The following PLAC1 variants were observed in gnomAD, a reference collection of about 807,000 sequenced individuals.
The protein encoded by PLAC1 is placenta-specific protein 1.
For synonymous variants in PLAC1, 68 were observed against 62.1 expected (o/e 1.09, Z -0.44); for missense variants, 136 against 163.2 (o/e 0.83, Z 0.91).
At chrX:134,681,746 G>GA (rs201321837) in intron 2 of PLAC1, among the ~76,000 whole-genome samples, 66 of 108,468 alleles carry the variant, frequency 6.1e-4, no homozygotes, top group African/African-American at 2.1e-3. Flanking sequence ...AGTAGAAACT[G>GA]AAAAAAAAAT....
At chrX:134,630,304 A>G (rs1438786947) in intron 1 of PLAC1, among the ~76,000 whole-genome samples, 1 of 112,286 alleles carries the variant, frequency 8.9e-6, no homozygotes, top group Non-Finnish European at 1.9e-5. Context: ...ATCAAATACC[A>G]AAGCTTGCAT....
chrX:134,656,494 C>T (rs193163031), intron 1 of PLAC1, among the ~76,000 whole-genome samples: 1 of 112,102 alleles, frequency 8.9e-6, no homozygotes, highest in Non-Finnish European at 1.9e-5. Context: ...CAGCAGCACC[C>T]CCTCTCTGAA....
rs1381496461 is a variant in PLAC1 at position 134,750,812 on chromosome X, A to AAAT, written n.89+13421_89+13422insATT. 5.8e-4 allele frequency among the ~76,000 whole-genome samples: 30 copies of AAAT among 51,977 alleles called. 5 individuals carry two copies. Among genetic ancestry groups the AAAT allele is most frequent in the African/African-American group, 2.7e-3 (21 of 7,648 alleles). The allele number at this position is 51,977 out of a possible 115,157, so 45.1% of individuals were successfully genotyped here. On this transcript the variant is annotated intron_variant and non_coding_transcript_variant, in intron 1 of 2. Transcript: ENST00000466797. ...TCTCTAATAAAAATACAAAAAAAAA[A>AAAT]ATATATATATATATATATATATTTA... is the stretch of plus-strand genomic sequence containing the variant.
chrX:134,681,161 G>A (rs926835879), intron 2 of PLAC1, among the ~76,000 whole-genome samples: 2 of 111,488 alleles, frequency 1.8e-5, no homozygotes, highest in Non-Finnish European at 3.8e-5. Flanking sequence ...GGGCCCCTGG[G>A]AAACTGGAAA....
chrX:134,614,183 A>G (rs1464903517), intron 1 of PLAC1, among the ~76,000 whole-genome samples: 1 of 110,646 alleles, frequency 9.0e-6, no homozygotes, highest in Non-Finnish European at 1.9e-5. Flanking sequence ...GCTGTACCAG[A>G]CCACCCAGTG....
upstream of PLAC1, among the ~76,000 whole-genome samples, chrX:134,662,212 G>A (rs908413280): frequency 4.5e-5 from 5 of 111,657 alleles, no homozygotes; most frequent in Middle Eastern, 4.2e-3. Context: ...CAGCCTGGGT[G>A]ACAGAATGAG....
chrX:134,642,406 C>G (rs1216673101), intron 1 of PLAC1, among the ~76,000 whole-genome samples: 3 of 111,598 alleles, frequency 2.7e-5, no homozygotes, highest in Non-Finnish European at 5.6e-5. Flanking sequence ...ATTTGAACTC[C>G]TATTGGGGAT....
intron 2 of PLAC1, among the ~76,000 whole-genome samples, chrX:134,731,647 C>T (rs1380818906): frequency 9.0e-6 from 1 of 111,543 alleles, no homozygotes; most frequent in Non-Finnish European, 1.9e-5. Flanking sequence ...CACCATCTGA[C>T]TGGAGACTCA....
intron 1 of PLAC1, among the ~76,000 whole-genome samples, chrX:134,618,599 AGAGACG>A (rs1473868087): frequency 1.8e-5 from 2 of 111,246 alleles, no homozygotes; most frequent in Non-Finnish European, 3.8e-5. Context: ...TTATTTTAGT[AGAGACG>A]TGTTTTCGTT....
intron 2 of PLAC1, among the ~76,000 whole-genome samples, chrX:134,572,371 T>C (rs773228923): frequency 3.0e-4 from 34 of 112,122 alleles, no homozygotes; most frequent in African/African-American, 1.1e-3. Context: ...CTAATGATGT[T>C]GAAAGTACAT....
chrX:134,649,264 CAAAAAAAAAA>C lies in PLAC1; in HGVS notation c.-131+9054_-131+9063del, dbSNP rs898452361. Among the ~76,000 whole-genome samples the C allele has an allele frequency of 7.4e-5, 3 of 40,344 alleles. No individual in the cohort carries two copies. In the Admixed American group the frequency reaches 9.4e-4, roughly 13 times the overall value. The allele number at this position is 40,344 out of a possible 115,157, so 35.0% of individuals were successfully genotyped here. ...CAGGTGACAGTGGGAGACTCCATCT[CAAAAAAAAAA>C]AAAAAAAAGACAAAGCTAATGAATA... is the stretch of plus-strand genomic sequence containing the variant. On this transcript the variant is annotated intron_variant, in intron 1 of 2. Coordinates refer to ENST00000359237, the MANE Select transcript of PLAC1 (RefSeq NM_021796.4).
At chrX:134,605,631 T>C (rs1307793197) in intron 1 of PLAC1, 1 of 112,445 alleles carries the variant, frequency 8.9e-6, no homozygotes, top group Non-Finnish European at 1.9e-5. Flanking sequence ...CCTGAAGTGA[T>C]GGATGATGGA....
chrX:134,675,294 C>A (rs1374927947), intron 2 of PLAC1, among the ~76,000 whole-genome samples: 1 of 112,672 alleles, frequency 8.9e-6, no homozygotes, highest in South Asian at 3.6e-4. Context: ...CAGGTAAGTC[C>A]AAGACAGAAG....
chrX:134,613,675 A>G (rs1350280827), intron 1 of PLAC1, among the ~76,000 whole-genome samples: 1 of 111,135 alleles, frequency 9.0e-6, no homozygotes, highest in East Asian at 2.8e-4. Flanking sequence ...CTCCTTACAG[A>G]GAGAAAGGTC....
chrX:134,697,827 C>T (rs2078569975), intron 2 of PLAC1, among the ~76,000 whole-genome samples: 1 of 111,629 alleles, frequency 9.0e-6, no homozygotes, highest in Non-Finnish European at 1.9e-5. Context: ...GAGATTGCAC[C>T]ACTGCACTCC....
chrX:134,568,204 A>G (rs2077887490), intron 2 of PLAC1, among the ~76,000 whole-genome samples: 1 of 112,949 alleles, frequency 8.9e-6, no homozygotes, highest in African/African-American at 3.2e-5. Context: ...ACATGCATAT[A>G]GGGATTCACT....
At chrX:134,584,144 C>T (rs1178156890) in intron 2 of PLAC1, among the ~76,000 whole-genome samples, 1 of 111,446 alleles carries the variant, frequency 9.0e-6, no homozygotes, top group African/African-American at 3.3e-5. Flanking sequence ...CCCTGGCTAT[C>T]GGTTCACTCA....
At chrX:134,694,230 T>G (rs1458369378) in intron 2 of PLAC1, among the ~76,000 whole-genome samples, 1 of 111,563 alleles carries the variant, frequency 9.0e-6, no homozygotes, top group Non-Finnish European at 1.9e-5. Flanking sequence ...TTGAAACTAA[T>G]AGGGGCTCAA....
chrX:134,602,979 A>G (rs2078095696), intron 1 of PLAC1, among the ~76,000 whole-genome samples: 1 of 107,481 alleles, frequency 9.3e-6, no homozygotes, highest in African/African-American at 3.4e-5. Flanking sequence ...GAATTTTTAA[A>G]AATCTCATAA....
Sources: gnomAD v4.1 joint callset for allele counts (sites outside exome capture counted in the v4.1 genomes callset) on GRCh38, gnomAD v4.1.1 for gene constraint, MANE v1.5 for transcripts, NCBI Gene and HGNC (gene_info 2026-07-23, HGNC 2026-07-21) for gene names.